The following MYO18B variants were observed in gnomAD, a reference collection of about 807,000 sequenced individuals.
MYO18B encodes the protein myosin XVIIIB.
In MYO18B, 204 loss-of-function variants were observed where a neutral mutation model predicts 273.0. The ratio of observed to expected loss-of-function variants is 0.75; its 90% CI spans 0.67 to 0.84. The LOEUF is 0.84. MYO18B is among the 40% of genes least tolerant of loss of function. The pLI, the probability that MYO18B is intolerant of heterozygous loss-of-function variation, is 0.00. For missense variants in MYO18B, 3,212 were observed against 3,287.6 expected, an observed-to-expected ratio of 0.98 and a Z score of 0.56; for synonymous variants, 1,330 against 1,305.7, an observed-to-expected ratio of 1.02 and a Z score of -0.40.
At chr22:25,766,109 T>A (rs963645508) in intron 3 of MYO18B, among the ~76,000 whole-genome samples, 1 of 151,742 alleles carries the variant, frequency 6.6e-6, no homozygotes, top group African/African-American at 2.4e-5. Flanking sequence ...CCCCAGGAGA[T>A]TCCAGAGAGC....
At chr22:25,888,261 C>T (rs1007608542) in intron 25 of MYO18B, among the ~76,000 whole-genome samples, 21 of 151,924 alleles carry the variant, frequency 1.4e-4, no homozygotes, top group Non-Finnish European at 2.6e-4. Flanking sequence ...CTATAATTTG[C>T]ATTTTCTTTT....
intron 39 of MYO18B, among the ~76,000 whole-genome samples, chr22:25,973,245 C>T (rs779107921): frequency 6.6e-6 from 1 of 152,126 alleles, no homozygotes; most frequent in Non-Finnish European, 1.5e-5. Context: ...AAAGTGAGAG[C>T]TTACTCTTAA....
chr22:26,025,322 C>A (rs1192645202), intron 42 of MYO18B, among the ~76,000 whole-genome samples: 1 of 152,172 alleles, frequency 6.6e-6, no homozygotes, highest in African/African-American at 2.4e-5. Context: ...CTAAACTGTC[C>A]TGTGTGATCA....
At position 25,935,770 on chromosome 22, in the gene MYO18B, C is replaced by T. The variant is rs7292254; in HGVS notation, c.5518-10367C>T. Among the ~76,000 whole-genome samples the T allele has an allele frequency of 5.3e-3, 814 of 152,284 alleles. 8 individuals carry two copies. The highest frequency in any genetic ancestry group is 0.041 in the Middle Eastern group (12 of 294). ...TCCCTGTCCAGGTCATTTCCTCCTA[C>T]AGAGGGGGATCCTGCCCACAGGTCC... On this transcript the variant is annotated intron_variant, in intron 34 of 43. Transcript: ENST00000335473.
intron 36 of MYO18B, among the ~76,000 whole-genome samples, chr22:25,949,735 A>G (rs1195668539): frequency 1.3e-5 from 2 of 152,240 alleles, no homozygotes; most frequent in Non-Finnish European, 2.9e-5. Context: ...CTGTTCAGTT[A>G]CAAAGGCACT....
At chr22:25,789,121 TCCTCTTCCTCC>T (rs1569021286) in intron 11 of MYO18B, among the ~76,000 whole-genome samples, 8 of 122,722 alleles carry the variant, frequency 6.5e-5, no homozygotes, top group Admixed American at 9.5e-5. Context: ...CTCCTCCTCC[TCCTCTTCCTCC>T]TCCTCCTCCT....
At chr22:25,795,857 G>C (rs954594337) in intron 11 of MYO18B, among the ~76,000 whole-genome samples, 5 of 152,148 alleles carry the variant, frequency 3.3e-5, no homozygotes, top group Admixed American at 3.3e-4. Context: ...TTGAGTGGAG[G>C]GGACAAGTAT....
chr22:25,844,376 G>GTA (rs1205595167), intron 18 of MYO18B, among the ~76,000 whole-genome samples: 3 of 152,098 alleles, frequency 2.0e-5, no homozygotes, highest in African/African-American at 4.8e-5. Flanking sequence ...GTGTGTGTGT[G>GTA]TGTGCATGCA....
At chr22:25,934,663 C>T (rs1000990251) in intron 34 of MYO18B, among the ~76,000 whole-genome samples, 11 of 152,068 alleles carry the variant, frequency 7.2e-5, no homozygotes, top group African/African-American at 1.2e-4. Context: ...AAGGCAGGGA[C>T]GGCTCAAAGC....
At chr22:25,923,513 G>T (rs1376751904) in intron 34 of MYO18B, among the ~76,000 whole-genome samples, 1 of 152,234 alleles carries the variant, frequency 6.6e-6, no homozygotes, top group Non-Finnish European at 1.5e-5. Context: ...GTGGCAAGTG[G>T]TGTGTCCAAA....
chr22:25,781,467 G>A (rs929236778), intron 9 of MYO18B, among the ~76,000 whole-genome samples: 10 of 152,104 alleles, frequency 6.6e-5, no homozygotes, highest in Non-Finnish European at 1.2e-4. Context: ...AAAATTAGCC[G>A]GGCGTGGTGG....
At chr22:25,861,270 TTATC>T (rs1039362797) in intron 21 of MYO18B, among the ~76,000 whole-genome samples, 6 of 152,358 alleles carry the variant, frequency 3.9e-5, no homozygotes, top group African/African-American at 1.4e-4. Flanking sequence ...AATTTTCTAT[TTATC>T]CTGTCATTCT....
At chr22:25,912,628 G>A (rs192175254) in intron 33 of MYO18B, among the ~76,000 whole-genome samples, 12 of 152,032 alleles carry the variant, frequency 7.9e-5, no homozygotes, top group African/African-American at 2.4e-4. Flanking sequence ...TAATGTAATC[G>A]GTGTTTATGA....
chr22:26,010,165 T>C (rs1934781462), intron 42 of MYO18B, among the ~76,000 whole-genome samples: 1 of 152,138 alleles, frequency 6.6e-6, no homozygotes, highest in African/African-American at 2.4e-5. Context: ...ACAAATACTC[T>C]TTCTGCTTCT....
chr22:25,998,296 G>GC (rs1481704800), intron 40 of MYO18B, among the ~76,000 whole-genome samples: 1 of 152,174 alleles, frequency 6.6e-6, no homozygotes, highest in Non-Finnish European at 1.5e-5. Context: ...GGAGGAATAT[G>GC]CTGGCTGACA....
intron 34 of MYO18B, among the ~76,000 whole-genome samples, chr22:25,944,278 T>C (rs778744301): frequency 1.3e-5 from 2 of 152,160 alleles, no homozygotes; most frequent in Non-Finnish European, 2.9e-5. Context: ...TGTGTCTCAA[T>C]CCCTCCCATT....
chr22:25,935,509 T>C (rs2092565369), intron 34 of MYO18B, among the ~76,000 whole-genome samples: 1 of 151,488 alleles, frequency 6.6e-6, no homozygotes. Flanking sequence ...ATAGGAAACA[T>C]TGGGTGAGGG....
intron 17 of MYO18B, among the ~76,000 whole-genome samples, chr22:25,839,306 G>A (rs2090014196): frequency 6.6e-6 from 1 of 152,176 alleles, no homozygotes; most frequent in African/African-American, 2.4e-5. Flanking sequence ...ATGGAGGAAG[G>A]TGCCCATGAA....
chr22:25,893,975 CTATT>C (rs2091733397), intron 27 of MYO18B, among the ~76,000 whole-genome samples: 1 of 152,208 alleles, frequency 6.6e-6, no homozygotes, highest in South Asian at 2.1e-4. Context: ...ATCCAACCAA[CTATT>C]TATCCATTAA....
Sources: allele counts gnomAD v4.1 joint callset (sites outside exome capture counted in the v4.1 genomes callset), GRCh38; gene constraint gnomAD v4.1.1; transcripts MANE v1.5; gene names NCBI Gene and HGNC (gene_info 2026-07-23, HGNC 2026-07-21).